Variants in ECT2L observed in about 807,000 individuals in gnomAD.
ECT2L encodes the protein epithelial cell-transforming sequence 2 oncogene-like.
Under a neutral mutation model 122.8 loss-of-function variants are expected in ECT2L, and 126 were observed. The observed-to-expected ratio is 1.03, with a 90% CI of 0.89 to 1.19. The LOEUF is 1.19. ECT2L is among the 50% of genes most tolerant of loss of function. The probability of loss-of-function intolerance (pLI) is 0.00; values close to 1 mark genes in which losing one functional copy is unlikely to be tolerated. For missense variants in ECT2L, 1,012 were observed against 1,064.1 expected (o/e 0.95, Z 0.68); for synonymous variants, 385 against 381.8 (o/e 1.01, Z -0.10).
chr6:138,857,206 G>A (rs1777641092), intron 10 of ECT2L, among the ~76,000 whole-genome samples: 1 of 151,988 alleles, frequency 6.6e-6, no homozygotes, highest in Non-Finnish European at 1.5e-5. Flanking sequence ...AACACCTGTA[G>A]TATCTCCTGC....
chr6:138,878,318 C>T (rs1229054706), intron 14 of ECT2L, among the ~76,000 whole-genome samples: 2 of 152,010 alleles, frequency 1.3e-5, no homozygotes, highest in South Asian at 2.1e-4. Context: ...CACACACACA[C>T]ACACACACAC....
At chr6:138,890,306 A>G (rs1778971380) in intron 20 of ECT2L, among the ~76,000 whole-genome samples, 1 of 152,118 alleles carries the variant, frequency 6.6e-6, no homozygotes, top group African/African-American at 2.4e-5. Flanking sequence ...AATAAATGTA[A>G]TAAAAATTGA....
chr6:138,857,008 C>G, intron 10 of ECT2L, among the ~76,000 whole-genome samples: 1 of 152,140 alleles, frequency 6.6e-6, no homozygotes, highest in Non-Finnish European at 1.5e-5. Context: ...GAATCCACCA[C>G]CAGCTCCACC....
chr6:138,821,039 G>C (rs778489093), intron 4 of ECT2L, among the ~76,000 whole-genome samples: 1 of 152,240 alleles, frequency 6.6e-6, no homozygotes, highest in Non-Finnish European at 1.5e-5. Flanking sequence ...CCAAGGGTCA[G>C]ACACAGGCGT....
chr6:138,831,142 A>C (rs1273974600), intron 4 of ECT2L, among the ~76,000 whole-genome samples: 5 of 152,126 alleles, frequency 3.3e-5, no homozygotes, highest in Non-Finnish European at 7.4e-5. Context: ...TACCCCCAAT[A>C]TCTCTCATGT....
rs527553773 is a variant in ECT2L, at chr6:138,850,114, A to G, written c.1069+680A>G. On this transcript the variant is annotated intron_variant, in intron 9 of 21. Transcript: ENST00000541398. ...TGAGTATTTTAGATACTCTTATAGG[A>G]GAGTCACACAGTATTTGTCGTTTTG... is the stretch of plus-strand genomic sequence containing the variant. 5.6e-3 allele frequency among the ~76,000 whole-genome samples: 854 copies of G among 151,392 alleles called. 10 individuals carry two copies. Among genetic ancestry groups the G allele is most frequent in the African/African-American group, 0.02 (820 of 41,166 alleles).
chr6:138,853,904 G>C (rs534527795), intron 9 of ECT2L, 122 bp from the exon 10 acceptor site: 4 of 1,061,368 alleles, frequency 3.8e-6, no homozygotes, highest in East Asian at 4.8e-5. Context: ...GATGCCTCAG[G>C]TGTCTTGGTC....
At chr6:138,815,805 G>A (rs1285963831) in intron 4 of ECT2L, among the ~76,000 whole-genome samples, 3 of 152,162 alleles carry the variant, frequency 2.0e-5, no homozygotes, top group Admixed American at 6.5e-5. Flanking sequence ...ATCTGAGAGT[G>A]GTGCATGATC....
rs752362246 is a variant in ECT2L at position 138,838,355 on chromosome 6, T to C, written c.183T>C (p.Phe61=). ...FLRCTKSQLR[F]VQDWFSERMQ... ...CTAAATTTCTCTTTCTTTTTAGGTT[T>C]GTCCAAGACTGGTTTTCAGAAAGGA... The change falls in exon 5 of 22, where the codon TTT becomes TTC. Residue 61 remains phenylalanine (F), a synonymous_variant. Transcript: ENST00000541398. 6.3e-7 allele frequency: 1 copy of C among 1,575,664 alleles called. No homozygotes were observed. Among genetic ancestry groups the C allele is most frequent in the Admixed American group, 2.0e-5 (1 of 49,858 alleles).
intron 1 of ECT2L, among the ~76,000 whole-genome samples, chr6:138,812,562 G>C (rs1471777034): frequency 6.6e-6 from 1 of 152,140 alleles, no homozygotes; most frequent in Admixed American, 6.5e-5. Flanking sequence ...CCAGCACTTT[G>C]AGAGGCTGAG....
chr6:138,895,521 T>C (rs958336259), intron 20 of ECT2L, among the ~76,000 whole-genome samples: 2 of 152,086 alleles, frequency 1.3e-5, no homozygotes, highest in Non-Finnish European at 2.9e-5. Flanking sequence ...GAACCAAGCC[T>C]TCCTCATAAT....
intron 20 of ECT2L, among the ~76,000 whole-genome samples, chr6:138,900,514 G>A (rs185243223): frequency 6.6e-6 from 1 of 152,286 alleles, no homozygotes; most frequent in Non-Finnish European, 1.5e-5. Context: ...CAAAGTGCTA[G>A]GATTACAGGC....
intron 1 of ECT2L, among the ~76,000 whole-genome samples, chr6:138,811,339 G>A (rs931853965): frequency 6.6e-6 from 1 of 152,174 alleles, no homozygotes; most frequent in Non-Finnish European, 1.5e-5. Flanking sequence ...GAGCTGCAGG[G>A]CCTTCAGTGA....
intron 3 of ECT2L, among the ~76,000 whole-genome samples, 173 bp from the exon 4 acceptor site, chr6:138,814,318 A>T (rs1252216593): frequency 2.0e-5 from 3 of 152,190 alleles, no homozygotes; most frequent in Admixed American, 6.5e-5. Context: ...CTGGGTAAAA[A>T]GTTTAACCTG....
chr6:138,903,904 C>T lies in ECT2L; in HGVS notation c.*1277C>T, dbSNP rs1034307147. 3.9e-5 allele frequency: 6 copies of T among 152,106 alleles called. No individual in the cohort carries two copies. Among genetic ancestry groups the T allele is most frequent in the Admixed American group, 3.9e-4 (6 of 15,284 alleles). 9.4% of individuals were successfully genotyped at this position (152,106 alleles called of 1,614,324 possible). ...TTTACAGTAACAAAGTCTATCGGTGCAGTTTAGGACTGTGAATCTATAGTA... is the reference window on the plus strand; with the variant it reads ...TTTACAGTAACAAAGTCTATCGGTGTAGTTTAGGACTGTGAATCTATAGTA... On this transcript the variant is annotated 3_prime_UTR_variant, in exon 22 of 22. Coordinates refer to ENST00000541398, the MANE Select transcript of ECT2L (RefSeq NM_001077706.3).
intron 1 of ECT2L, among the ~76,000 whole-genome samples, chr6:138,811,349 AGACTGCAGTCCCCGCAAACACCTT>A (rs1775885952): frequency 6.6e-6 from 1 of 152,224 alleles, no homozygotes; most frequent in African/African-American, 2.4e-5. Context: ...GCCTTCAGTG[AGACTGCAGTCCCCGCAAACACCTT>A]GACTGTAGCC....
chr6:138,811,168 T>C (rs1775878114), intron 1 of ECT2L, among the ~76,000 whole-genome samples: 2 of 152,180 alleles, frequency 1.3e-5, no homozygotes, highest in African/African-American at 4.8e-5. Flanking sequence ...GCTTTCTCAT[T>C]TGCTCACTGT....
chr6:138,806,511 CTTTT>C (rs57786220), intron 1 of ECT2L, among the ~76,000 whole-genome samples: 1 of 89,666 alleles, frequency 1.1e-5, no homozygotes, highest in African/African-American at 4.7e-5. Flanking sequence ...AAAATTCACG[CTTTT>C]TTTTTTTTTT....
At chr6:138,847,956 TAC>T (rs1297474743) in intron 8 of ECT2L, among the ~76,000 whole-genome samples, 3 of 152,136 alleles carry the variant, frequency 2.0e-5, no homozygotes, top group Non-Finnish European at 4.4e-5. Flanking sequence ...TCAGGAAACT[TAC>T]AGTCATGGCA....
Sources: allele counts gnomAD v4.1 joint callset (sites outside exome capture counted in the v4.1 genomes callset), GRCh38; gene constraint gnomAD v4.1.1; transcripts MANE v1.5; gene names NCBI Gene and HGNC (gene_info 2026-07-23, HGNC 2026-07-21).